The following C5orf52 variants were observed in gnomAD, a reference collection of about 807,000 sequenced individuals.
C5orf52 encodes the protein chromosome 5 open reading frame 52, also known as uncharacterized protein C5orf52.
Under a neutral mutation model 16.8 loss-of-function variants are expected in C5orf52, and 15 were observed. The observed-to-expected ratio is 0.89, with a 90% CI of 0.60 to 1.38. The LOEUF (loss-of-function observed/expected upper bound fraction) is 1.38. Among genes scored for constraint, C5orf52 ranks in the 40% most tolerant of loss-of-function variants. C5orf52 has a pLI of 0.00. For synonymous variants in C5orf52, 83 were observed against 87.2 expected (o/e 0.95, Z 0.27); for missense variants, 206 against 213.1 (o/e 0.97, Z 0.21).
At chr5:157,679,354 T>TGA (rs1382232339) in intron 2 of C5orf52, among the ~76,000 whole-genome samples, 8 of 152,218 alleles carry the variant, frequency 5.3e-5, no homozygotes, top group African/African-American at 1.9e-4. Context: ...GAATTCAGTG[T>TGA]GAGACAGAGT....
intron 2 of C5orf52, among the ~76,000 whole-genome samples, chr5:157,677,230 G>T (rs185658654): frequency 6.6e-6 from 1 of 152,142 alleles, no homozygotes; most frequent in African/African-American, 2.4e-5. Flanking sequence ...ATCCCGCAGT[G>T]TATGGGACAG....
rs1323672288 is a variant in C5orf52, at chr5:157,674,610, G to A, written c.213-482G>A. The stretch of plus-strand genomic sequence containing the variant: ...TGGTGAAACCCCGTCTCTACTAAAA[G>A]TACAAAAATTAGCCAGGCATGGTGG... On this transcript the variant is annotated intron_variant, in intron 1 of 2. Transcript: ENST00000409999. Among the ~76,000 whole-genome samples the A allele has an allele frequency of 2.0e-5, 3 of 152,016 alleles. No homozygotes were observed. In the East Asian group the frequency reaches 5.8e-4, roughly 29 times the overall value.
chr5:157,675,951 C>CT (rs1405291456), intron 2 of C5orf52, among the ~76,000 whole-genome samples: 1 of 152,122 alleles, frequency 6.6e-6, no homozygotes, highest in East Asian at 1.9e-4. Flanking sequence ...TAAACCTGTC[C>CT]TTAGGGCCTG....
intron 2 of C5orf52, among the ~76,000 whole-genome samples, chr5:157,676,530 C>T (rs965500628): frequency 9.9e-5 from 15 of 152,136 alleles, no homozygotes; most frequent in African/African-American, 3.4e-4. Flanking sequence ...AGTAGGGACC[C>T]GGGCATTTCT....
In C5orf52 at chr5:157,678,359, A is replaced by G. The variant is rs1255840536; in HGVS notation, c.322-1482A>G. Among the ~76,000 whole-genome samples the G allele has an allele frequency of 2.6e-5, 4 of 152,168 alleles. No homozygotes were observed. The East Asian group carries it at 7.7e-4, about 29-fold the overall frequency. ...CTGGAGGGCTTGTTAAAAAACGTAC[A>G]TTCCCAGGATCACCACCCACCACAT... is the stretch of plus-strand genomic sequence containing the variant. On this transcript the variant is annotated intron_variant, in intron 2 of 2. Coordinates refer to ENST00000409999, the MANE Select transcript of C5orf52 (RefSeq NM_001145132.2).
In C5orf52 at chr5:157,671,713, G is replaced by A. The variant is rs1277424485; in HGVS notation, c.99G>A (p.Ser33=). Residue 33 remains serine (S), a synonymous_variant, in exon 1 of 3, where the codon TCG becomes TCA. Transcript: ENST00000409999. The stretch of plus-strand genomic sequence containing the variant: ...CGACCACCAGTTCCAGCGCCACCTC[G>A]GGTTCGAACTACCAGCGCGATAGAC... ...AQATTSSSAT[S]GSNYQRDRLG... 10 of 1,551,342 alleles carry A rather than the reference G, an allele frequency of 6.4e-6. No individual in the cohort carries two copies. The East Asian group carries it at 2.4e-4, about 38-fold the overall frequency.
Position 157,678,900 on chromosome 5 carries a change from C to T in C5orf52, c.322-941C>T, listed in dbSNP as rs57274348. ...CTGTAATCTCAGCACTTTGGGAGGC[C>T]GAAGCGGGTGGATCACGAGGTCAGG... On this transcript the variant is annotated intron_variant, in intron 2 of 2. Coordinates refer to ENST00000409999, the MANE Select transcript of C5orf52 (RefSeq NM_001145132.2). Among the ~76,000 whole-genome samples, 899 of 151,882 alleles carry T rather than the reference C, an allele frequency of 5.9e-3. 12 individuals carry two copies. The highest frequency in any genetic ancestry group is 0.021 in the African/African-American group (851 of 41,434).
chr5:157,678,533 T>C (rs894676515), intron 2 of C5orf52, among the ~76,000 whole-genome samples: 1 of 152,174 alleles, frequency 6.6e-6, no homozygotes, highest in African/African-American at 2.4e-5. Context: ...CTCGGCTCAA[T>C]GCAACCTCTG....
chr5:157,672,904 C>A (rs1487873878), intron 1 of C5orf52, among the ~76,000 whole-genome samples: 3 of 151,966 alleles, frequency 2.0e-5, no homozygotes, highest in African/African-American at 7.2e-5. Flanking sequence ...GATCTGCCTG[C>A]CTCTGCCTCC....
At chr5:157,672,361 A>G (rs1238712830) in intron 1 of C5orf52, among the ~76,000 whole-genome samples, 1 of 152,060 alleles carries the variant, frequency 6.6e-6, no homozygotes, top group Non-Finnish European at 1.5e-5. Context: ...TGCATCCTTC[A>G]GGCCCCTGTC....
chr5:157,675,893 G>A (rs1211793137), intron 2 of C5orf52, among the ~76,000 whole-genome samples: 1 of 152,048 alleles, frequency 6.6e-6, no homozygotes, highest in African/African-American at 2.4e-5. Context: ...TCGAAATCCT[G>A]AGTGCTGTCA....
At chr5:157,672,373 A>G (rs533260343) in intron 1 of C5orf52, among the ~76,000 whole-genome samples, 30 of 152,174 alleles carry the variant, frequency 2.0e-4, no homozygotes, top group African/African-American at 6.5e-4. Flanking sequence ...GCCCCTGTCC[A>G]TGGAGAACTT....
At chr5:157,677,052 T>C (rs189076616) in intron 2 of C5orf52, among the ~76,000 whole-genome samples, 323 of 152,188 alleles carry the variant, frequency 2.1e-3, no homozygotes, top group Admixed American at 3.0e-3. Context: ...GCACTTTTAA[T>C]AGAAACGGGG....
At position 157,679,881 on chromosome 5, in the gene C5orf52, A is replaced by G. The variant is rs1759973351; in HGVS notation, c.362A>G (p.Tyr121Cys). The change falls in exon 3 of 3, where the codon TAC becomes TGC. Residue 121 changes from tyrosine (Y) to cysteine (C), a missense_variant. Physicochemically the swap from Tyr to Cys is radical, Grantham distance 194 (BLOSUM62 -2). Coordinates refer to ENST00000409999, the MANE Select transcript of C5orf52 (RefSeq NM_001145132.2). ...AAGACCAAGAAAAAGATCAGCCACT[A>G]CTATGAACACCTGAAAAAAAAGTTC... Reference protein sequence around the residue: ...LEKTKKKISHYYEHLKKKFMT... With the variant: ...LEKTKKKISHCYEHLKKKFMT... 2 of 1,551,716 alleles carry G rather than the reference A, an allele frequency of 1.3e-6. No individual in the cohort carries two copies. The highest frequency in any genetic ancestry group is 2.0e-5 in the Admixed American group (1 of 50,950).
chr5:157,671,417 T>TG (rs1759785163), upstream of C5orf52: 1 of 582,224 alleles, frequency 1.7e-6, no homozygotes, highest in Non-Finnish European at 3.1e-6. Context: ...TATTACCGCG[T>TG]CCGTGGCCGC....
At chr5:157,675,009 A>C in intron 1 of C5orf52, 83 bp from the exon 2 acceptor site, 1 of 810,008 alleles carries the variant, frequency 1.2e-6, no homozygotes. Context: ...AGCCTCAGCC[A>C]CTCCCTCAGG....
chr5:157,676,403 C>G lies in C5orf52; in HGVS notation c.321+1203C>G, dbSNP rs900646241. On this transcript the variant is annotated intron_variant, in intron 2 of 2. Transcript: ENST00000409999. ...CTGCTTCTTGACTCTTTTGAGCTTC[C>G]TTCCATGTTCCAGGGTCAAGTCTGG... 2.8e-4 allele frequency among the ~76,000 whole-genome samples: 42 copies of G among 152,114 alleles called. 3 individuals are homozygous for G. Among genetic ancestry groups the G allele is most frequent in the Non-Finnish European group, 1.5e-5 (1 of 68,028 alleles).
intron 2 of C5orf52, among the ~76,000 whole-genome samples, chr5:157,678,276 G>T (rs1338555327): frequency 6.6e-6 from 1 of 152,148 alleles, no homozygotes; most frequent in East Asian, 1.9e-4. Flanking sequence ...TTATGAAGAA[G>T]TCCTTTGCTT....
intron 2 of C5orf52, 70 bp from the exon 3 acceptor site, chr5:157,679,771 C>T: frequency 7.0e-7 from 1 of 1,433,446 alleles, no homozygotes; most frequent in East Asian, 2.5e-5. Flanking sequence ...GATGTCTGCC[C>T]TGCTGCGAAG....
Sources: gnomAD v4.1 joint callset for allele counts (sites outside exome capture counted in the v4.1 genomes callset) on GRCh38, gnomAD v4.1.1 for gene constraint, MANE v1.5 for transcripts, NCBI Gene and HGNC (gene_info 2026-07-23, HGNC 2026-07-21) for gene names.